NELL1: variants seen among roughly 807,000 people sequenced by gnomAD.
NELL1 encodes the protein neural EGFL like 1.
Under a neutral mutation model 107.4 loss-of-function variants are expected in NELL1, and 76 were observed. That is an observed-to-expected ratio of 0.71 (90% CI 0.59 to 0.86). The LOEUF (loss-of-function observed/expected upper bound fraction) is 0.86. Among genes scored for constraint, NELL1 ranks in the 40% least tolerant of loss-of-function variants. The probability of loss-of-function intolerance (pLI) is 0.00; values close to 1 mark genes in which losing one functional copy is unlikely to be tolerated. For synonymous variants in NELL1, 353 were observed against 341.2 expected (o/e 1.03, Z -0.38); for missense variants, 1,024 against 1,005.5 (o/e 1.02, Z -0.25).
At chr11:21,159,185 A>C (rs998869433) in intron 13 of NELL1, among the ~76,000 whole-genome samples, 2 of 152,054 alleles carry the variant, frequency 1.3e-5, no homozygotes, top group African/African-American at 4.8e-5. Context: ...TAACCAGTCA[A>C]TCATAGGACT....
chr11:21,360,568 T>C (rs1399562146), intron 14 of NELL1, among the ~76,000 whole-genome samples: 1 of 152,166 alleles, frequency 6.6e-6, no homozygotes, highest in Non-Finnish European at 1.5e-5. Context: ...TGATAATCTG[T>C]CTAGTGCTGT....
intron 4 of NELL1, among the ~76,000 whole-genome samples, chr11:20,863,545 C>T (rs7937063): frequency 0.64 from 92,420 of 143,826 alleles, 30,733 homozygotes; most frequent in Non-Finnish European, 0.75. Context: ...ACATCCCAGA[C>T]GATGGGCAGC....
chr11:20,870,475 G>T lies in NELL1; in HGVS notation c.507-14969G>T, dbSNP rs548388653. On this transcript the variant is annotated intron_variant, in intron 4 of 19. Transcript: ENST00000357134. ...TATATTCTGTAACCTGAACATGAAG[G>T]GGCCACCAAGAAAGGAGATAATTAA... Among the ~76,000 whole-genome samples the T allele has an allele frequency of 9.2e-5, 14 of 151,818 alleles. No individual in the cohort carries two copies. The South Asian group carries it at 2.9e-3, about 32-fold the overall frequency.
chr11:20,975,908 A>AC (rs1479405825), intron 12 of NELL1, among the ~76,000 whole-genome samples: 1 of 94,138 alleles, frequency 1.1e-5, no homozygotes, highest in African/African-American at 4.5e-5. Flanking sequence ...ATATATGTGT[A>AC]TTATATAAAC....
At chr11:21,170,186 A>G (rs1206215870) in intron 13 of NELL1, 3 of 585,036 alleles carry the variant, frequency 5.1e-6, no homozygotes, top group Non-Finnish European at 9.3e-6. Flanking sequence ...GTGAATTAGA[A>G]TAATCCCAAA....
chr11:20,855,836 T>TA lies in NELL1; in HGVS notation c.506+8089dup, dbSNP rs57329808. On this transcript the variant is annotated intron_variant, in intron 4 of 19. Transcript: ENST00000357134. ...ACTTGTTGGAAAAGATCATTGGGGA[T>TA]AAAAAATGCATGAGCCATGAGGACT... Among the ~76,000 whole-genome samples, 547 of 152,200 alleles carry TA rather than the reference T, an allele frequency of 3.6e-3. 3 individuals carry two copies. The highest frequency in any genetic ancestry group is 0.013 in the African/African-American group (520 of 41,526).
chr11:21,465,485 G>A (rs1323010954), intron 15 of NELL1, among the ~76,000 whole-genome samples: 1 of 151,968 alleles, frequency 6.6e-6, no homozygotes, highest in Non-Finnish European at 1.5e-5. Flanking sequence ...AATAGCATTT[G>A]GCATCTTTCC....
At chr11:20,973,597 TC>T (rs1851545599) in intron 12 of NELL1, among the ~76,000 whole-genome samples, 1 of 152,238 alleles carries the variant, frequency 6.6e-6, no homozygotes, top group South Asian at 2.1e-4. Context: ...TATGGATTCT[TC>T]CCACTGACAT....
intron 2 of NELL1, among the ~76,000 whole-genome samples, chr11:20,684,880 T>G (rs1374361604): frequency 6.6e-6 from 1 of 152,112 alleles, no homozygotes; most frequent in Non-Finnish European, 1.5e-5. Context: ...CATGGGATTT[T>G]CCAGTTTGAC....
Position 21,442,754 on chromosome 11 carries a change from T to C in NELL1, c.1645+71806T>C, listed in dbSNP as rs183381787. On this transcript the variant is annotated intron_variant, in intron 15 of 19. Coordinates refer to ENST00000357134, the MANE Select transcript of NELL1 (RefSeq NM_006157.5). ...AGCCACTATCTAATGAAGACTGGAA[T>C]TGGAGCTGAAGCACTACTTAACAAT... is the stretch of plus-strand genomic sequence containing the variant. Among the ~76,000 whole-genome samples, 1,224 of 152,228 alleles carry C rather than the reference T, an allele frequency of 8.0e-3. 15 individuals are homozygous for C. The highest frequency in any genetic ancestry group is 0.027 in the African/African-American group (1,110 of 41,540).
rs367570444 is a variant in NELL1 at position 20,977,767 on chromosome 11, T to G, written c.1300+17207T>G. Among the ~76,000 whole-genome samples, 4 of 152,352 alleles carry G rather than the reference T, an allele frequency of 2.6e-5. No individual in the cohort carries two copies. The East Asian group carries it at 7.7e-4, about 29-fold the overall frequency. The stretch of plus-strand genomic sequence containing the variant: ...CCTTGCCTGGCACATAGCAGCTACT[T>G]GGTAAATAATTGTTGAGTGCATAAG... On this transcript the variant is annotated intron_variant, in intron 12 of 19. Coordinates refer to ENST00000357134, the MANE Select transcript of NELL1 (RefSeq NM_006157.5).
intron 2 of NELL1, among the ~76,000 whole-genome samples, chr11:20,696,553 T>A (rs896310344): frequency 1.3e-5 from 2 of 152,162 alleles, no homozygotes; most frequent in African/African-American, 4.8e-5. Context: ...TAATAAATGA[T>A]GTCTATCTAG....
intron 14 of NELL1, among the ~76,000 whole-genome samples, chr11:21,316,769 G>A (rs1411324759): frequency 6.6e-6 from 1 of 152,140 alleles, no homozygotes; most frequent in Admixed American, 6.6e-5. Flanking sequence ...AATGCTGGCA[G>A]CTGCTCCTCA....
intron 13 of NELL1, among the ~76,000 whole-genome samples, chr11:21,204,455 T>A (rs1240355148): frequency 6.6e-6 from 1 of 151,964 alleles, no homozygotes; most frequent in Non-Finnish European, 1.5e-5. Context: ...GTTTTTCAGC[T>A]CCATCAGGTC....
chr11:20,836,279 A>T (rs1046920241), intron 3 of NELL1, among the ~76,000 whole-genome samples: 1 of 151,964 alleles, frequency 6.6e-6, no homozygotes, highest in African/African-American at 2.4e-5. Context: ...TCCAAAAAAA[A>T]AAAAAAACCC....
intron 12 of NELL1, among the ~76,000 whole-genome samples, chr11:21,060,958 A>T (rs545889019): frequency 6.6e-6 from 1 of 152,230 alleles, no homozygotes; most frequent in African/African-American, 2.4e-5. Context: ...GCAGGACTTG[A>T]ACTCCTGACC....
chr11:21,167,684 C>T (rs1214504646), intron 13 of NELL1, among the ~76,000 whole-genome samples: 1 of 151,822 alleles, frequency 6.6e-6, no homozygotes, highest in Non-Finnish European at 1.5e-5. Context: ...CTCCCTTGTT[C>T]AGTATTCTCC....
intron 3 of NELL1, among the ~76,000 whole-genome samples, chr11:20,837,300 T>G (rs952179006): frequency 6.6e-6 from 1 of 152,180 alleles, no homozygotes; most frequent in Admixed American, 6.5e-5. Flanking sequence ...GAATTATCTA[T>G]GTGATAACAG....
chr11:21,258,954 A>G (rs1185871277), intron 14 of NELL1, among the ~76,000 whole-genome samples: 1 of 151,976 alleles, frequency 6.6e-6, no homozygotes, highest in East Asian at 1.9e-4. Flanking sequence ...ATAGAGAACC[A>G]GGAACAGTAT....
Sources: allele counts gnomAD v4.1 joint callset (sites outside exome capture counted in the v4.1 genomes callset), GRCh38; gene constraint gnomAD v4.1.1; transcripts MANE v1.5; gene names NCBI Gene and HGNC (gene_info 2026-07-23, HGNC 2026-07-21).